The following ZC3H18 variants were observed in gnomAD, a reference collection of about 807,000 sequenced individuals.
ZC3H18 encodes zinc finger CCCH domain-containing protein 18.
ZC3H18 carries 8 observed loss-of-function variants against 106.1 expected under a neutral mutation model. The ratio of observed to expected loss-of-function variants is 0.08; its 90% confidence interval spans 0.04 to 0.14. The LOEUF is 0.14. Ranked by LOEUF, ZC3H18 falls within the 10% of genes least tolerant of loss-of-function variation. The pLI is 1.00. For synonymous variants in ZC3H18, 635 were observed against 522.1 expected, an observed-to-expected ratio of 1.22 and a Z score of -2.95; for missense variants, 1,318 against 1,278.4, an observed-to-expected ratio of 1.03 and a Z score of -0.47.
chr16:88,629,978 C>A (rs1220906842), intron 16 of ZC3H18, among the ~76,000 whole-genome samples: 1 of 152,254 alleles, frequency 6.6e-6, no homozygotes, highest in African/African-American at 2.4e-5. Context: ...TCTGGAACAG[C>A]CTTGCTGCCC....
At chr16:88,620,591 A>G (rs1360688581) in intron 8 of ZC3H18, among the ~76,000 whole-genome samples, 1 of 151,618 alleles carries the variant, frequency 6.6e-6, no homozygotes, top group East Asian at 1.9e-4. Context: ...AAAAGAAAAA[A>G]AAAAAAAAAG....
In ZC3H18 at chr16:88,602,853, C is replaced by T. The variant is rs1405677722; in HGVS notation, c.1088+2905C>T. 4.6e-5 allele frequency among the ~76,000 whole-genome samples: 7 copies of T among 152,294 alleles called. No homozygotes were observed. The East Asian group carries it at 1.4e-3, about 29-fold the overall frequency. Reference sequence around the variant, plus strand: ...TCACATAGAAGCACCTTCATGCAGGCAGGCTTTGCTTACTACAGGATGGAG... The same window carrying T: ...TCACATAGAAGCACCTTCATGCAGGTAGGCTTTGCTTACTACAGGATGGAG... On this transcript the variant is annotated intron_variant, in intron 6 of 17. Coordinates refer to ENST00000301011, the MANE Select transcript of ZC3H18 (RefSeq NM_144604.4).
At position 88,577,192 on chromosome 16, in the gene ZC3H18, C is replaced by T; in HGVS notation, c.69C>T (p.Leu23=). 6.2e-7 allele frequency: 1 copy of T among 1,610,570 alleles called. No homozygotes were observed. The highest frequency in any genetic ancestry group is 8.5e-7 in the Non-Finnish European group (1 of 1,177,990). The change falls in exon 2 of 18, where the codon CTC becomes CTT. Residue 23 remains leucine, a synonymous_variant. Coordinates refer to ENST00000301011, the MANE Select transcript of ZC3H18 (RefSeq NM_144604.4). ...SPEDEEQPQG[L]SDDDILRDSG... ...AGGATGAAGAGCAGCCACAGGGACT[C>T]TCGGACGATGACATTCTGAGGGACA...
At chr16:88,574,448 A>G (rs1035815718) in intron 1 of ZC3H18, among the ~76,000 whole-genome samples, 76 of 151,814 alleles carry the variant, frequency 5.0e-4, no homozygotes, top group African/African-American at 1.7e-3. Context: ...ACTTCGGATG[A>G]TCCACCTGCC....
intron 9 of ZC3H18, 195 bp downstream of exon 9, chr16:88,622,583 C>T (rs1422764275): frequency 2.9e-5 from 18 of 619,594 alleles, no homozygotes; most frequent in Middle Eastern, 4.3e-4. Context: ...GTAGGACTGA[C>T]GCAGTGACCC....
intron 1 of ZC3H18, among the ~76,000 whole-genome samples, chr16:88,573,650 G>A (rs939761838): frequency 1.3e-5 from 2 of 151,902 alleles, no homozygotes; most frequent in African/African-American, 4.8e-5. Flanking sequence ...GGGCTCGAGT[G>A]ATTCTCCCAC....
chr16:88,604,151 A>C (rs1461873586), intron 6 of ZC3H18, among the ~76,000 whole-genome samples: 3 of 152,084 alleles, frequency 2.0e-5, no homozygotes, highest in Non-Finnish European at 4.4e-5. Context: ...CGGGAGTTGA[A>C]GACCAGTCTG....
At position 88,586,671 on chromosome 16, in the gene ZC3H18, G is replaced by A; in HGVS notation, c.675G>A (p.Arg225=). ...DRKVRPRPTC[R]FFMKGNCTWG... ...AGGTGAGGCCTCGTCCCACCTGCCG[G>A]TTCTTCATGAAAGGTAATTGTCTGC... The change falls in exon 3 of 18, where the codon CGG becomes CGA. Residue 225 remains arginine (R), a synonymous_variant. Coordinates refer to ENST00000301011, the MANE Select transcript of ZC3H18 (RefSeq NM_144604.4). 1.2e-6 allele frequency: 2 copies of A among 1,614,182 alleles called. No individual in the cohort carries two copies. Among genetic ancestry groups the A allele is most frequent in the South Asian group, 1.1e-5 (1 of 91,080 alleles).
chr16:88,630,215 T>C (rs1906574930), intron 16 of ZC3H18: 1 of 417,266 alleles, frequency 2.4e-6, no homozygotes, highest in Non-Finnish European at 4.3e-6. Context: ...TCTTCAAAGC[T>C]AGGAAGGAGT....
chr16:88,573,235 C>T (rs917042682), intron 1 of ZC3H18, among the ~76,000 whole-genome samples: 1 of 152,040 alleles, frequency 6.6e-6, no homozygotes, highest in African/African-American at 2.4e-5. Flanking sequence ...CCAGGCGCTC[C>T]GCTTAGGCAG....
chr16:88,580,393 A>G (rs1915053157), intron 2 of ZC3H18, among the ~76,000 whole-genome samples: 1 of 152,092 alleles, frequency 6.6e-6, no homozygotes, highest in Non-Finnish European at 1.5e-5. Context: ...GTGAAGTGGC[A>G]GTGAGTGGAA....
chr16:88,593,722 A>G (rs761449090), intron 3 of ZC3H18, among the ~76,000 whole-genome samples: 1 of 152,352 alleles, frequency 6.6e-6, no homozygotes. Flanking sequence ...CAGGGAATGC[A>G]GATCCGGGTC....
chr16:88,574,315 T>A (rs1914600053), intron 1 of ZC3H18, among the ~76,000 whole-genome samples: 1 of 151,990 alleles, frequency 6.6e-6, no homozygotes, highest in Non-Finnish European at 1.5e-5. Flanking sequence ...GTTCAAGCGA[T>A]TCTCTCGTCT....
At position 88,631,525 on chromosome 16, in the gene ZC3H18, G is replaced by C; in HGVS notation, c.*226G>C. The C allele has an allele frequency of 1.5e-6, 1 of 662,560 alleles. No homozygotes were observed. The highest frequency in any genetic ancestry group is 2.1e-5 in the Admixed American group (1 of 46,772). 41.0% of individuals were successfully genotyped at this position (662,560 alleles called of 1,614,324 possible). ...CGCAGGACAGACAGACACAGACAGCGCTAGTGACCAGCACGGTTCTCATGT... is the reference window on the plus strand; with the variant it reads ...CGCAGGACAGACAGACACAGACAGCCCTAGTGACCAGCACGGTTCTCATGT... On this transcript the variant is annotated 3_prime_UTR_variant, in exon 18 of 18. Coordinates refer to ENST00000301011, the MANE Select transcript of ZC3H18 (RefSeq NM_144604.4).
chr16:88,623,866 C>T (rs1393202056), intron 10 of ZC3H18, 92 bp from the exon 11 acceptor site: 2 of 1,491,764 alleles, frequency 1.3e-6, no homozygotes, highest in African/African-American at 2.8e-5. Context: ...AATTCGTGGC[C>T]TTCTCCATGG....
chr16:88,581,737 G>A (rs1915143145), intron 2 of ZC3H18, among the ~76,000 whole-genome samples: 1 of 152,164 alleles, frequency 6.6e-6, no homozygotes. Context: ...AGTGCGTGGA[G>A]CCCACCCTGA....
intron 9 of ZC3H18, chr16:88,622,784 C>T (rs929727515): frequency 9.7e-5 from 27 of 277,290 alleles, no homozygotes; most frequent in East Asian, 9.8e-5. Context: ...CACAGGAGCC[C>T]GGCTCCCGAG....
chr16:88,624,097 C>T (rs1906143768), intron 11 of ZC3H18, 35 bp downstream of exon 11: 1 of 1,606,238 alleles, frequency 6.2e-7, no homozygotes, highest in Non-Finnish European at 8.5e-7. Flanking sequence ...TCCTGGCCGG[C>T]CAGGCCTCCA....
chr16:88,625,170 C>T (rs1209298257), intron 12 of ZC3H18, 32 bp from the exon 13 acceptor site: 4 of 1,558,168 alleles, frequency 2.6e-6, no homozygotes, highest in South Asian at 2.4e-5. Context: ...GGAGGCCACG[C>T]CCCCTGAGCC....
Sources: gnomAD v4.1 joint callset for allele counts (sites outside exome capture counted in the v4.1 genomes callset) on GRCh38, gnomAD v4.1.1 for gene constraint, MANE v1.5 for transcripts, NCBI Gene and HGNC (gene_info 2026-07-23, HGNC 2026-07-21) for gene names.